Variants in TRMT44 observed in about 807,000 individuals in gnomAD.
TRMT44 encodes probable tRNA (uracil-O(2)-)-methyltransferase.
A neutral mutation model predicts 77.3 loss-of-function variants in TRMT44; 78 were observed. That is an observed-to-expected ratio of 1.01 (90% CI 0.84 to 1.22). The LOEUF (loss-of-function observed/expected upper bound fraction) is 1.22, where lower values mean the gene tolerates loss of function less well. Ranked by LOEUF, TRMT44 falls within the 50% of genes most tolerant of loss-of-function variation. The pLI, the probability that TRMT44 is intolerant of heterozygous loss-of-function variation, is 0.00. For synonymous variants in TRMT44, 391 were observed against 383.3 expected (o/e 1.02, Z -0.23); for missense variants, 1,090 against 964.4 (o/e 1.13, Z -1.73).
chr4:8,473,584 C>T (rs1400323653), intron 10 of TRMT44: 2 of 152,496 alleles, frequency 1.3e-5, no homozygotes, highest in Admixed American at 6.6e-5. Flanking sequence ...TGTCTGCTGT[C>T]AGAAGCAGTG....
rs753717677 is a variant in TRMT44, at chr4:8,471,113, G to C, written c.1957G>C (p.Glu653Gln). 2 of 1,604,728 alleles carry C rather than the reference G, an allele frequency of 1.2e-6. No individual in the cohort carries two copies. Among genetic ancestry groups the C allele is most frequent in the African/African-American group, 1.3e-5 (1 of 74,236 alleles). ...ESLSLAEVANELDTETLRRLK... is the reference protein window; with the variant it reads ...ESLSLAEVANQLDTETLRRLK... ...CCTATCTCTGGCAGAAGTAGCCAAC[G>C]AGCTGGACACGGAGACCCTGCGGAG... The change falls in exon 10 of 11, where the codon GAG becomes CAG. Residue 653 changes from glutamate (E) to glutamine (Q), a missense_variant. By Grantham distance (29) the Glu-to-Gln change is conservative. Transcript: ENST00000389737.
chr4:8,491,465 T>C (rs914447821), intron 2 of TRMT44, among the ~76,000 whole-genome samples: 4 of 152,168 alleles, frequency 2.6e-5, no homozygotes, highest in Non-Finnish European at 5.9e-5. Flanking sequence ...CAGGGGGTGG[T>C]GCTCGTCGGG....
chr4:8,494,639 A>C (rs796711594), downstream of TRMT44, among the ~76,000 whole-genome samples: 1 of 152,206 alleles, frequency 6.6e-6, no homozygotes, highest in African/African-American at 2.4e-5. Flanking sequence ...CTAAAAATGT[A>C]TAAAAGCAAG....
the TRMT44 span, among the ~76,000 whole-genome samples, chr4:8,512,982 A>G: frequency 1.8e-3 from 276 of 152,306 alleles, no homozygotes; most frequent in South Asian, 6.2e-3. Context: ...CCACAATCTC[A>G]GCTCACTGCA....
the TRMT44 span, among the ~76,000 whole-genome samples, chr4:8,508,113 G>A: frequency 1.3e-5 from 2 of 152,126 alleles, 1 homozygote; most frequent in East Asian, 3.9e-4. Flanking sequence ...CACCATGTTG[G>A]CCAGACTGGT....
At chr4:8,495,849 T>C (rs966188381), downstream of TRMT44, among the ~76,000 whole-genome samples, 4 of 152,182 alleles carry the variant, frequency 2.6e-5, no homozygotes, top group African/African-American at 9.7e-5. Context: ...TACCTCTGAT[T>C]GGTTCCCTCC....
At chr4:8,498,806 T>C in the TRMT44 span, among the ~76,000 whole-genome samples, 2 of 152,042 alleles carry the variant, frequency 1.3e-5, no homozygotes, top group African/African-American at 4.8e-5. The surrounding 1 kb of genome is among the most constrained non-coding windows in gnomAD (Gnocchi z 4.3). Flanking sequence ...GGGCGATGTG[T>C]TCTGGGTGGG....
chr4:8,477,283 C>G (rs991181886), downstream of TRMT44: 1 of 152,316 alleles, frequency 6.6e-6, no homozygotes, highest in Non-Finnish European at 1.5e-5. Context: ...CACGGGGCGG[C>G]GCTGCCACGG....
intron 3 of TRMT44, 60 bp downstream of exon 3, chr4:8,449,948 T>TA: frequency 1.7e-4 from 91 of 547,290 alleles, no homozygotes; most frequent in Non-Finnish European, 2.0e-4. Context: ...TCTTTTCTTT[T>TA]CTTTTTTTTT....
rs940800826 is a variant in TRMT44, at chr4:8,446,822, T to C, written c.734+232T>C. Among the ~76,000 whole-genome samples, 1 of 152,210 alleles carries C rather than the reference T, an allele frequency of 6.6e-6. No individual in the cohort carries two copies. Among genetic ancestry groups the C allele is most frequent in the African/African-American group, 2.4e-5 (1 of 41,458 alleles). ...TGGGGTTTCTGATCTCTACCTTCCC[T>C]GTGGCTGTGATGATCAGCAGCCCTT... On this transcript the variant is annotated intron_variant, in intron 2 of 10. Transcript: ENST00000389737. This position sits in a 1 kb window ranked among gnomAD's most constrained non-coding sequence, Gnocchi z 4.3.
chr4:8,472,287 C>T (rs976556023), intron 10 of TRMT44, among the ~76,000 whole-genome samples: 5 of 151,968 alleles, frequency 3.3e-5, no homozygotes, highest in African/African-American at 9.7e-5. Flanking sequence ...TTAGGCAGAG[C>T]GAACAGCATT....
intron 2 of TRMT44, among the ~76,000 whole-genome samples, chr4:8,486,048 G>C (rs2109223641): frequency 6.6e-6 from 1 of 152,304 alleles, no homozygotes; most frequent in Non-Finnish European, 1.5e-5. Flanking sequence ...ATCTTCAGTT[G>C]CTAAGCCAAG....
At position 8,452,175 on chromosome 4, in the gene TRMT44, TG is replaced by T; in HGVS notation, c.1023+148del. 2.8e-6 allele frequency: 2 copies of T among 705,548 alleles called. No homozygotes were observed. The highest frequency in any genetic ancestry group is 5.5e-5 in the East Asian group (2 of 36,204). 43.7% of individuals were successfully genotyped at this position (705,548 alleles called of 1,614,324 possible). A position where few individuals can be genotyped will look rare whatever the true frequency, so the allele number is the denominator to read the frequency against. ...AAGGTTGGTTTCTCGTGTAATGGTT[TG>T]ACTTCATGTGGTCCTTTTGATGCGT... On this transcript the variant is annotated intron_variant, in intron 4 of 10. Coordinates refer to ENST00000389737, the MANE Select transcript of TRMT44 (RefSeq NM_152544.3). The surrounding 1 kb of genome is among the most constrained non-coding windows in gnomAD (Gnocchi z 5.7).
rs1242393952 is a variant in TRMT44, at chr4:8,452,703, T to C, written c.1024-179T>C. Reference sequence around the variant, plus strand: ...GACCAGAGATTGCATCATTGCACTCTAGCCTGGGCGGCAAGAGCAACACTC... The same window carrying C: ...GACCAGAGATTGCATCATTGCACTCCAGCCTGGGCGGCAAGAGCAACACTC... On this transcript the variant is annotated intron_variant, in intron 4 of 10. Coordinates refer to ENST00000389737, the MANE Select transcript of TRMT44 (RefSeq NM_152544.3). The surrounding 1 kb of genome is among the most constrained non-coding windows in gnomAD (Gnocchi z 5.7). 1.3e-5 allele frequency among the ~76,000 whole-genome samples: 2 copies of C among 151,312 alleles called. No individual in the cohort carries two copies. Among genetic ancestry groups the C allele is most frequent in the Non-Finnish European group, 2.9e-5 (2 of 67,890 alleles).
intron 2 of TRMT44, among the ~76,000 whole-genome samples, chr4:8,487,028 C>T (rs1345554443): frequency 1.3e-5 from 2 of 152,096 alleles, no homozygotes; most frequent in Non-Finnish European, 2.9e-5. Flanking sequence ...GGACGAGTTG[C>T]ACTGGGCACA....
chr4:8,454,021 G>A (rs1014243233), intron 5 of TRMT44, among the ~76,000 whole-genome samples: 2 of 152,132 alleles, frequency 1.3e-5, no homozygotes, highest in Admixed American at 6.5e-5. Flanking sequence ...CTTGGTAGCT[G>A]GTACCTGGAG....
Position 8,441,034 on chromosome 4 carries a change from G to GTC in TRMT44, c.213_214dup (p.Pro72LeufsTer51). ...GCAGGCTCGGAGCAGAAGGAGCGGGGTCCGGGACCCGGCCAGGGTTCCCCC... is the reference window on the plus strand; with the variant it reads ...GCAGGCTCGGAGCAGAAGGAGCGGGGTCTCCGGGACCCGGCCAGGGTTCCCCC... On this transcript the variant is annotated frameshift_variant, in exon 1 of 11. Transcript: ENST00000389737. LOFTEE classifies it high-confidence loss of function. The GTC allele has an allele frequency of 6.7e-7, 1 of 1,495,574 alleles. No individual in the cohort carries two copies. Among genetic ancestry groups the GTC allele is most frequent in the Non-Finnish European group, 8.9e-7 (1 of 1,129,136 alleles). 92.6% of individuals were successfully genotyped at this position (1,495,574 alleles called of 1,614,324 possible). A position where few individuals can be genotyped will look rare whatever the true frequency, so the allele number is the denominator to read the frequency against.
downstream of TRMT44, among the ~76,000 whole-genome samples, chr4:8,495,319 CA>C: frequency 6.6e-6 from 1 of 152,292 alleles, no homozygotes; most frequent in East Asian, 1.9e-4. Flanking sequence ...GTGACTTGCC[CA>C]GAATCACACA....
At chr4:8,492,890 G>A (rs1162572221) in intron 2 of TRMT44, among the ~76,000 whole-genome samples, 2 of 152,168 alleles carry the variant, frequency 1.3e-5, no homozygotes, top group Admixed American at 1.3e-4. Flanking sequence ...ACTGATTGAT[G>A]TCCCATGTCT....
Sources: allele counts gnomAD v4.1 joint callset (sites outside exome capture counted in the v4.1 genomes callset), GRCh38; gene constraint gnomAD v4.1.1; non-coding constraint Gnocchi (gnomAD v3.1); transcripts MANE v1.5; gene names NCBI Gene and HGNC (gene_info 2026-07-23, HGNC 2026-07-21).